The following ADAP1 variants were observed in gnomAD, a reference collection of about 807,000 sequenced individuals.
The protein encoded by ADAP1 is ArfGAP with dual PH domains 1.
Under a neutral mutation model 54.9 loss-of-function variants are expected in ADAP1, and 31 were observed. That is an observed-to-expected ratio of 0.56 (90% CI 0.42 to 0.76). The LOEUF is 0.76. Ranked by LOEUF, ADAP1 falls within the 30% of genes least tolerant of loss-of-function variation. The pLI is 0.00. For missense variants in ADAP1, 535 were observed against 512.4 expected (o/e 1.04, Z -0.42); for synonymous variants, 313 against 202.6 (o/e 1.55, Z -4.63).
intron 1 of ADAP1, among the ~76,000 whole-genome samples, chr7:943,698 G>C (rs866542461): frequency 2.2e-4 from 2 of 9,118 alleles, no homozygotes; most frequent in Admixed American, 6.9e-4. Context: ...GGAAGGGAGC[G>C]AGGAGGAAGG....
intron 6 of ADAP1, chr7:901,379 TG>T (rs958992502): frequency 4.8e-6 from 1 of 208,046 alleles, no homozygotes; most frequent in African/African-American, 2.4e-5. Context: ...TCTGGAAAGG[TG>T]CCCATCTTTA....
At chr7:913,705 C>T (rs192635476) in intron 4 of ADAP1, among the ~76,000 whole-genome samples, 2,136 of 151,958 alleles carry the variant, frequency 0.014, 46 homozygotes, top group African/African-American at 0.048. Flanking sequence ...GAGGCCGAGG[C>T]GGGCGGGTCA....
At chr7:909,025 G>GA (rs140605861) in intron 4 of ADAP1, among the ~76,000 whole-genome samples, 9,303 of 152,106 alleles carry the variant, frequency 0.061, 830 homozygotes, top group East Asian at 0.39. Flanking sequence ...GCAGTGCTCC[G>GA]GAAGCGCGCA....
rs1386359107 is a variant in ADAP1 at position 942,776 on chromosome 7, GAGGA to G, written c.83-7275_83-7272del. Among the ~76,000 whole-genome samples the G allele has an allele frequency of 3.6e-4, 5 of 14,016 alleles. 1 individual carries two copies. The highest frequency in any genetic ancestry group is 1.8e-3 in the African/African-American group (5 of 2,718). 9.2% of individuals were successfully genotyped at this position (14,016 alleles called of 152,430 possible). A position where few individuals can be genotyped will look rare whatever the true frequency, so the allele number is the denominator to read the frequency against. On this transcript the variant is annotated intron_variant, in intron 1 of 10. Transcript: ENST00000265846. ...AGGAGGAAGGGAGGAGGAGGAAGAG[GAGGA>G]AGGGAGAGAGGATGAGGAAGGGAGA...
intron 4 of ADAP1, among the ~76,000 whole-genome samples, chr7:905,816 AG>A (rs1446768188): frequency 3.1e-5 from 1 of 31,980 alleles, no homozygotes; most frequent in African/African-American, 8.5e-5. Context: ...AGAAAGGAGA[AG>A]GGAGAAGGGA....
intron 2 of ADAP1, chr7:927,046 C>T: frequency 7.8e-7 from 1 of 1,274,398 alleles, no homozygotes; most frequent in Non-Finnish European, 1.0e-6. Context: ...CACCCAGCTC[C>T]CCAGCTCACA....
At chr7:935,951 T>C (rs769047927) in intron 1 of ADAP1, among the ~76,000 whole-genome samples, 2 of 152,170 alleles carry the variant, frequency 1.3e-5, no homozygotes, top group Admixed American at 6.5e-5. Context: ...AGGATCTGAG[T>C]GCAGGGGGTG....
At position 938,129 on chromosome 7, in the gene ADAP1, C is replaced by G. The variant is rs1846835429; in HGVS notation, c.83-2624G>C. Reference sequence around the variant, plus strand: ...GCTTTTGGGAGAAAGAATGCGGTTACAGGATCAGCCGTTGTTTGGTTTTGC... The same window carrying G: ...GCTTTTGGGAGAAAGAATGCGGTTAGAGGATCAGCCGTTGTTTGGTTTTGC... On this transcript the variant is annotated intron_variant, in intron 1 of 10. Coordinates refer to ENST00000265846, the MANE Select transcript of ADAP1 (RefSeq NM_006869.4). The surrounding 1 kb of genome is among the most constrained non-coding windows in gnomAD (Gnocchi z 4.4). 6.6e-6 allele frequency among the ~76,000 whole-genome samples: 1 copy of G among 152,162 alleles called. No individual in the cohort carries two copies. The highest frequency in any genetic ancestry group is 1.5e-5 in the Non-Finnish European group (1 of 68,034).
intron 4 of ADAP1, chr7:905,431 A>G (rs1359424462): frequency 2.2e-5 from 3 of 137,368 alleles, no homozygotes; most frequent in African/African-American, 1.1e-4. Context: ...GAAAGGAGAA[A>G]GGAGAAAGGG....
intron 3 of ADAP1, among the ~76,000 whole-genome samples, chr7:924,062 G>GGTTGCATAGCA (rs1562928136): frequency 1.3e-3 from 24 of 18,224 alleles, no homozygotes; most frequent in East Asian, 2.9e-3. Context: ...CCCGCCCTCC[G>GGTTGCATAGCA]GGTTACACTG....
Position 899,266 on chromosome 7 carries a change from G to GGGTGGGGACCGCACTGGA in ADAP1, c.868-23_868-6dup. 6.2e-7 allele frequency: 1 copy of GGGTGGGGACCGCACTGGA among 1,612,650 alleles called. No homozygotes were observed. Reference sequence around the variant, plus strand: ...TTCCCCTCGGGCGAAGGCGTCCTGTGGGTGGGGACCGCACTGGAGGCGGGG... The same window carrying GGGTGGGGACCGCACTGGA: ...TTCCCCTCGGGCGAAGGCGTCCTGTGGGTGGGGACCGCACTGGAGGTGGGGACCGCACTGGAGGCGGGG... On this transcript the variant is annotated splice_region_variant and splice_polypyrimidine_tract_variant and intron_variant, in intron 9 of 10. Coordinates refer to ENST00000265846, the MANE Select transcript of ADAP1 (RefSeq NM_006869.4).
rs1304019648 is a variant in ADAP1 at position 946,867 on chromosome 7, G to A, written c.82+7529C>T. ...TGATTAACCTGAGGCCGGGCGGGGC[G>A]GCTCACGCCTGCAATCTCAGCACCT... On this transcript the variant is annotated intron_variant, in intron 1 of 10. Coordinates refer to ENST00000265846, the MANE Select transcript of ADAP1 (RefSeq NM_006869.4). This position sits in a 1 kb window ranked among gnomAD's most constrained non-coding sequence, Gnocchi z 4.3. Among the ~76,000 whole-genome samples the A allele has an allele frequency of 2.6e-5, 4 of 152,208 alleles. No individual in the cohort carries two copies. Among genetic ancestry groups the A allele is most frequent in the Non-Finnish European group, 5.9e-5 (4 of 68,046 alleles).
At chr7:905,308 C>G (rs868842805) in intron 4 of ADAP1, 136 bp from the exon 5 acceptor site, 20,292 of 389,956 alleles carry the variant, frequency 0.052, 2,615 homozygotes, top group African/African-American at 0.15. Context: ...CAGGGGGAGA[C>G]GGACGGGGAG....
chr7:926,975 AG>A lies in ADAP1; in HGVS notation c.214-332del. 2.4e-6 allele frequency: 3 copies of A among 1,260,582 alleles called. No individual in the cohort carries two copies. In the South Asian group the frequency reaches 4.6e-5, roughly 19 times the overall value. 78.1% of individuals were successfully genotyped at this position (1,260,582 alleles called of 1,614,324 possible). A position where few individuals can be genotyped will look rare whatever the true frequency, so the allele number is the denominator to read the frequency against. On this transcript the variant is annotated intron_variant, in intron 2 of 10. Transcript: ENST00000265846. This position sits in a 1 kb window ranked among gnomAD's most constrained non-coding sequence, Gnocchi z 4.6. ...CCACCCACACCGGGTGTCCCGTGGG[AG>A]AGAGCTGGCTGCATCCTGTGACCCC...
intron 3 of ADAP1, chr7:922,904 C>T (rs1846242142): frequency 7.1e-6 from 1 of 140,366 alleles, no homozygotes; most frequent in Non-Finnish European, 1.5e-5. Flanking sequence ...GAGGCTGCTA[C>T]CACCTGAACC....
Position 954,410 on chromosome 7 carries a change from T to C in ADAP1, c.68A>G (p.Asp23Gly). The C allele has an allele frequency of 8.9e-7, 1 of 1,129,588 alleles. No individual in the cohort carries two copies. Among genetic ancestry groups the C allele is most frequent in the East Asian group, 8.7e-5 (1 of 11,546 alleles). The allele number at this position is 1,129,588 out of a possible 1,614,324, so 70.0% of individuals were successfully genotyped here. Residue 23 changes from aspartate (D) to glycine (G), a missense_variant, in exon 1 of 11, where the codon GAC becomes GGC. Physicochemically the swap from Asp to Gly is moderately conservative, Grantham distance 94. Transcript: ENST00000265846. ...LQRPGNARCA[D>G]CGAPDPDWAS... ...CCCACACCTACCCGGGGCGCCGCAG[T>C]CCGCGCAGCGCGCGTTCCCCGGCCG...
At position 920,703 on chromosome 7, in the gene ADAP1, G is replaced by T; in HGVS notation, c.306-653C>A. On this transcript the variant is annotated intron_variant, in intron 3 of 10. Transcript: ENST00000265846. The surrounding 1 kb of genome is among the most constrained non-coding windows in gnomAD (Gnocchi z 4.5). ...CCCCCGAGAGTAAAGCCCGGGACGA[G>T]GGCCCCCCACGGCACCCACTGAGCC... 8.2e-7 allele frequency: 1 copy of T among 1,226,016 alleles called. No individual in the cohort carries two copies. Among genetic ancestry groups the T allele is most frequent in the Non-Finnish European group, 1.1e-6 (1 of 882,966 alleles). The allele number at this position is 1,226,016 out of a possible 1,614,324, so 75.9% of individuals were successfully genotyped here.
chr7:908,371 C>T (rs1188993425), intron 4 of ADAP1, among the ~76,000 whole-genome samples: 3 of 152,198 alleles, frequency 2.0e-5, no homozygotes, highest in Admixed American at 1.3e-4. Flanking sequence ...GGGGAGGGGA[C>T]AGCTGGTGCC....
chr7:903,490 G>C (rs1253277699), intron 6 of ADAP1, among the ~76,000 whole-genome samples: 2 of 152,186 alleles, frequency 1.3e-5, no homozygotes, highest in Admixed American at 6.5e-5. Context: ...TAGCGCTTTA[G>C]ACCGTGTGCA....
Sources: allele counts gnomAD v4.1 joint callset (sites outside exome capture counted in the v4.1 genomes callset), GRCh38; gene constraint gnomAD v4.1.1; non-coding constraint Gnocchi (gnomAD v3.1); transcripts MANE v1.5; gene names NCBI Gene and HGNC (gene_info 2026-07-23, HGNC 2026-07-21).